Variants in ZBTB41 observed in about 807,000 individuals in gnomAD.
ZBTB41 encodes the protein zinc finger and BTB domain-containing protein 41.
Under a neutral mutation model 87.6 loss-of-function variants are expected in ZBTB41, and 42 were observed. The ratio of observed to expected loss-of-function variants is 0.48; its 90% CI spans 0.37 to 0.62. The LOEUF is 0.62. Ranked by LOEUF, ZBTB41 falls within the 20% of genes least tolerant of loss-of-function variation. ZBTB41 has a pLI of 0.00. For synonymous variants in ZBTB41, 364 were observed against 364.0 expected (o/e 1.00, Z 0.00); for missense variants, 799 against 1,078.9 (o/e 0.74, Z 3.63).
chr1:197,159,374 AT>A lies in ZBTB41; in HGVS notation c.2714del (p.Asn905MetfsTer7). 6.2e-7 allele frequency: 1 copy of A among 1,613,616 alleles called. No individual in the cohort carries two copies. The highest frequency in any genetic ancestry group is 8.5e-7 in the Non-Finnish European group (1 of 1,179,600). The part of the protein sequence containing the change: ...STTGVQNIST[N>X]EHHS ...TTAGATTTACTCATGAATGATGCTC[AT>A]TCGTAGAAATATTTTGAACACCAGT... On this transcript the variant is annotated frameshift_variant, in exon 11 of 11. Coordinates refer to ENST00000367405, the MANE Select transcript of ZBTB41 (RefSeq NM_194314.3). LOFTEE classifies it high-confidence loss of function.
chr1:197,175,868 A>T (rs1269039040), intron 8 of ZBTB41: 3 of 151,930 alleles, frequency 2.0e-5, no homozygotes, highest in Non-Finnish European at 4.4e-5. Flanking sequence ...TCATCTCAGA[A>T]AATTACTATC....
At chr1:197,190,914 T>A in intron 3 of ZBTB41, 83 bp from the exon 4 acceptor site, 1 of 885,190 alleles carries the variant, frequency 1.1e-6, no homozygotes, top group Non-Finnish European at 1.7e-6. Flanking sequence ...TGACAGTAAT[T>A]ACCAGGATCA....
At chr1:197,164,986 A>ACATATCTAATATATTATATATATTAT (rs1571646889) in intron 10 of ZBTB41, among the ~76,000 whole-genome samples, 8 of 133,612 alleles carry the variant, frequency 6.0e-5, no homozygotes, top group South Asian at 2.3e-4. Context: ...TATATATAAT[A>ACATATCTAATATATTATATATATTAT]ATATAACCTC....
Position 197,191,936 on chromosome 1 carries a change from A to G in ZBTB41, c.1121-37T>C, listed in dbSNP as rs142503607. 1.1e-3 allele frequency: 1,645 copies of G among 1,493,488 alleles called. 7 individuals are homozygous for G. The highest frequency in any genetic ancestry group is 8.1e-3 in the African/African-American group (574 of 71,070). The allele number at this position is 1,493,488 out of a possible 1,614,324, so 92.5% of individuals were successfully genotyped here. A position where few individuals can be genotyped will look rare whatever the true frequency, so the allele number is the denominator to read the frequency against. ...GAAAAATTAAAATTAAATTTAGTAC[A>G]TTTGCTATACTGTGATTGGAATTTG... On this transcript the variant is annotated intron_variant, in intron 2 of 10. Transcript: ENST00000367405.
chr1:197,199,572 T>A lies in ZBTB41; in HGVS notation c.902A>T (p.Glu301Val). The change falls in exon 2 of 11, where the codon GAA (glutamate) becomes GTA (valine). Residue 301 changes from glutamate to valine, a missense_variant. Physicochemically the swap from Glu to Val is moderately radical, Grantham distance 121 (BLOSUM62 -2). Transcript: ENST00000367405. ...TAGCTCATCTTCTTCAGCATTATAT[T>A]CACTTCCAGGGTCCTCAGAATCATT... ...DRNDSEDPGSEYNAEEDELEE... is the reference protein window; with the variant it reads ...DRNDSEDPGSVYNAEEDELEE... 3.7e-6 allele frequency: 6 copies of A among 1,607,750 alleles called. 1 individual carries two copies. The South Asian group carries it at 6.7e-5, about 18-fold the overall frequency.
intron 7 of ZBTB41, among the ~76,000 whole-genome samples, chr1:197,177,803 C>A (rs1404768489): frequency 6.6e-6 from 1 of 151,994 alleles, no homozygotes; most frequent in Non-Finnish European, 1.5e-5. Flanking sequence ...ACTAGACTAC[C>A]TCTAAAGGGG....
rs900951269 is a variant in ZBTB41 at position 197,154,057 on chromosome 1, T to C, written c.*5302A>G. Reference sequence around the variant, plus strand: ...GCTAAATGCCCAGTTTTGTATTATTTTCTGGCAGCCACACTCATCAATTGT... The same window carrying C: ...GCTAAATGCCCAGTTTTGTATTATTCTCTGGCAGCCACACTCATCAATTGT... On this transcript the variant is annotated 3_prime_UTR_variant, in exon 11 of 11. Transcript: ENST00000367405. 1.3e-5 allele frequency: 2 copies of C among 152,612 alleles called. No homozygotes were observed. Among genetic ancestry groups the C allele is most frequent in the Non-Finnish European group, 2.9e-5 (2 of 67,988 alleles). 9.5% of individuals were successfully genotyped at this position (152,612 alleles called of 1,614,324 possible). A position where few individuals can be genotyped will look rare whatever the true frequency, so the allele number is the denominator to read the frequency against.
In ZBTB41 at chr1:197,165,515, C is replaced by T. The variant is rs1004369411; in HGVS notation, c.2075-5501G>A. Reference sequence around the variant, plus strand: ...GTCCCAGCTACTCAGGAGGCTGAGGCGGGAGAATGGCGTCAACCCGGGAGG... The same window carrying T: ...GTCCCAGCTACTCAGGAGGCTGAGGTGGGAGAATGGCGTCAACCCGGGAGG... On this transcript the variant is annotated intron_variant, in intron 10 of 10. Transcript: ENST00000367405. Among the ~76,000 whole-genome samples the T allele has an allele frequency of 2.0e-5, 3 of 151,360 alleles. 1 individual carries two copies. The highest frequency in any genetic ancestry group is 4.2e-4 in the South Asian group (2 of 4,818).
chr1:197,167,974 A>T (rs1239437641), intron 10 of ZBTB41, among the ~76,000 whole-genome samples: 1 of 152,162 alleles, frequency 6.6e-6, no homozygotes, highest in African/African-American at 2.4e-5. Context: ...GGGAAAATGA[A>T]CCTGTCATTA....
At position 197,178,469 on chromosome 1, in the gene ZBTB41, G is replaced by C; in HGVS notation, c.1720C>G (p.Pro574Ala). The C allele has an allele frequency of 6.2e-7, 1 of 1,608,082 alleles. No homozygotes were observed. Among genetic ancestry groups the C allele is most frequent in the Non-Finnish European group, 8.5e-7 (1 of 1,177,084 alleles). The change falls in exon 7 of 11, where the codon CCT becomes GCT. Residue 574 changes from proline to alanine, a missense_variant. Pro to Ala is a conservative substitution (Grantham distance 27, BLOSUM62 -1). This residue lies in a region of ZBTB41 where 198 missense variants were observed against 358.4 expected (regional missense o/e 0.55). Coordinates refer to ENST00000367405, the MANE Select transcript of ZBTB41 (RefSeq NM_194314.3). Reference protein sequence around the residue: ...EHLRIHSGEKPHLCSICGQSF... With the variant: ...EHLRIHSGEKAHLCSICGQSF... ...TGCCCACAAATACTACAAAGGTGAG[G>C]CTTTTCTCCACTGTGGATTCTCAAA...
In ZBTB41 at chr1:197,191,706, G is replaced by T; in HGVS notation, c.1314C>A (p.Ala438=). The change falls in exon 3 of 11, where the codon GCC becomes GCA. Residue 438 remains alanine, a synonymous_variant. Coordinates refer to ENST00000367405, the MANE Select transcript of ZBTB41 (RefSeq NM_194314.3). ...NKLHASKKTL[A]KHVKRFHPEN... is the part of the protein sequence containing the mutation. ...ATAATACTTGCCTCTTAACATGCTT[G>T]GCTAAAGTCTTCTTGCTTGCATGAA... 1 of 1,612,070 alleles carries T rather than the reference G, an allele frequency of 6.2e-7. No individual in the cohort carries two copies. The highest frequency in any genetic ancestry group is 8.5e-7 in the Non-Finnish European group (1 of 1,179,106).
At chr1:197,196,281 C>G (rs1457511531) in intron 2 of ZBTB41, among the ~76,000 whole-genome samples, 1 of 152,116 alleles carries the variant, frequency 6.6e-6, no homozygotes, top group Non-Finnish European at 1.5e-5. Flanking sequence ...TTTAAATAAA[C>G]TGTACTTCTA....
At chr1:197,163,520 G>A (rs1438541802) in intron 10 of ZBTB41, among the ~76,000 whole-genome samples, 2 of 151,790 alleles carry the variant, frequency 1.3e-5, no homozygotes, top group Admixed American at 6.6e-5. Flanking sequence ...CTCAGGAGGA[G>A]GAGAGAGAAT....
chr1:197,183,317 A>C (rs973414752), intron 5 of ZBTB41, among the ~76,000 whole-genome samples: 3 of 152,166 alleles, frequency 2.0e-5, no homozygotes, highest in African/African-American at 7.2e-5. Flanking sequence ...AACAGTATCT[A>C]AGAAGTACGT....
At position 197,159,331 on chromosome 1, in the gene ZBTB41, C is replaced by G; in HGVS notation, c.*28G>C. On this transcript the variant is annotated 3_prime_UTR_variant, in exon 11 of 11. Transcript: ENST00000367405. The stretch of plus-strand genomic sequence containing the variant: ...TCTCTACCATTAGCATATAACCATC[C>G]AAAAATCTGTGGAATGTTTAGATTT... 2 of 1,608,032 alleles carry G rather than the reference C, an allele frequency of 1.2e-6. No individual in the cohort carries two copies. The highest frequency in any genetic ancestry group is 8.5e-7 in the Non-Finnish European group (1 of 1,175,708).
intron 7 of ZBTB41, among the ~76,000 whole-genome samples, chr1:197,177,217 T>G (rs777226048): frequency 2.0e-5 from 3 of 152,092 alleles, no homozygotes; most frequent in Non-Finnish European, 4.4e-5. Context: ...TGGGGGCAGT[T>G]TCCCCATGCT....
In ZBTB41 at chr1:197,169,062, TA is replaced by T. The variant is rs1258835583; in HGVS notation, c.2074+3097del. On this transcript the variant is annotated intron_variant, in intron 10 of 10. Coordinates refer to ENST00000367405, the MANE Select transcript of ZBTB41 (RefSeq NM_194314.3). Reference sequence around the variant, plus strand: ...GTGCTACGTATCTATCAAATGGATTTAAAAAAAAAGTATCAAATGTTGGTGA... The same window carrying T: ...GTGCTACGTATCTATCAAATGGATTTAAAAAAAAGTATCAAATGTTGGTGA... 3.3e-5 allele frequency among the ~76,000 whole-genome samples: 5 copies of T among 151,362 alleles called. No homozygotes were observed. The East Asian group carries it at 5.8e-4, about 18-fold the overall frequency.
intron 8 of ZBTB41, 90 bp downstream of exon 8, chr1:197,176,474 C>T: frequency 1.1e-6 from 1 of 923,488 alleles, no homozygotes; most frequent in Non-Finnish European, 1.6e-6. Context: ...AATTATTAAA[C>T]TTATAGCCAA....
At chr1:197,163,156 CA>C (rs1397995367) in intron 10 of ZBTB41, among the ~76,000 whole-genome samples, 1 of 152,066 alleles carries the variant, frequency 6.6e-6, no homozygotes, top group Non-Finnish European at 1.5e-5. Flanking sequence ...AAAGGCAGAT[CA>C]GAAGTAGCCA....
Sources: allele counts gnomAD v4.1 joint callset (sites outside exome capture counted in the v4.1 genomes callset), GRCh38; gene constraint gnomAD v4.1.1; regional missense constraint gnomAD v4.1.1; transcripts MANE v1.5; gene names NCBI Gene and HGNC (gene_info 2026-07-23, HGNC 2026-07-21).